The following ADAMDEC1 variants were observed in gnomAD, a reference collection of about 807,000 sequenced individuals.
ADAMDEC1 encodes the protein ADAM DEC1.
A neutral mutation model predicts 60.4 loss-of-function variants in ADAMDEC1; 62 were observed. That is an observed-to-expected ratio of 1.03 (90% CI 0.84 to 1.27). ADAMDEC1 has a LOEUF of 1.27. ADAMDEC1 is among the 50% of genes most tolerant of loss of function. ADAMDEC1 has a pLI of 0.00. For missense variants in ADAMDEC1, 595 were observed against 565.0 expected, an observed-to-expected ratio of 1.05 and a Z score of -0.54; for synonymous variants, 210 against 195.1, an observed-to-expected ratio of 1.08 and a Z score of -0.64.
chr8:24,399,025 A>T lies in ADAMDEC1; in HGVS notation c.914A>T (p.His305Leu), dbSNP rs1817691205. ...AACCTGGGGAAAAAGATCCACGACCATGCTCAGCTTCTCAGGTGAGCACAT... is the reference window on the plus strand; with the variant it reads ...AACCTGGGGAAAAAGATCCACGACCTTGCTCAGCTTCTCAGGTGAGCACAT... ...SSNLGKKIHD[H>L]AQLLSGISFN... is the part of the protein sequence containing the mutation. Residue 305 changes from histidine (H) to leucine (L), a missense_variant, in exon 9 of 14, where the codon CAT (histidine) becomes CTT (leucine). By Grantham distance (99) the His-to-Leu change is moderately conservative. Coordinates refer to ENST00000256412, the MANE Select transcript of ADAMDEC1 (RefSeq NM_014479.3). The T allele has an allele frequency of 4.3e-6, 7 of 1,612,976 alleles. No homozygotes were observed. The highest frequency in any genetic ancestry group is 5.9e-6 in the Non-Finnish European group (7 of 1,179,498).
chr8:24,402,172 T>C (rs1273947046), intron 12 of ADAMDEC1, 80 bp downstream of exon 12: 1 of 1,302,242 alleles, frequency 7.7e-7, no homozygotes, highest in African/African-American at 1.5e-5. Flanking sequence ...GGAAATTCTT[T>C]CTAAAGACAA....
chr8:24,401,832 G>T, intron 11 of ADAMDEC1, 83 bp from the exon 12 acceptor site: 1 of 1,179,410 alleles, frequency 8.5e-7, no homozygotes, highest in East Asian at 2.4e-5. Flanking sequence ...TCAGAGTCTC[G>T]TGTTTCTTTA....
rs146782557 is a variant in ADAMDEC1 at position 24,405,700 on chromosome 8, T to TA, written c.*410dup. The TA allele has an allele frequency of 4.3e-5, 7 of 161,470 alleles. No homozygotes were observed. The highest frequency in any genetic ancestry group is 9.6e-5 in the African/African-American group (4 of 41,784). 10.0% of individuals were successfully genotyped at this position (161,470 alleles called of 1,614,324 possible). On this transcript the variant is annotated 3_prime_UTR_variant, in exon 14 of 14. Transcript: ENST00000256412. ...TCTTTCATCTTACTAGTATGGCCTA[T>TA]AAAAAAAATAATACCACTTGATGGG...
chr8:24,405,403 T>A lies in ADAMDEC1; in HGVS notation c.*105T>A, dbSNP rs1198402548. ...ATTTTCACCCATAATGGTCTTTCAC[T>A]TGTCATTCTACTTTCTATATTGTTA... On this transcript the variant is annotated 3_prime_UTR_variant, in exon 14 of 14. Transcript: ENST00000256412. The A allele has an allele frequency of 2.3e-6, 3 of 1,291,648 alleles. No homozygotes were observed. Among genetic ancestry groups the A allele is most frequent in the Non-Finnish European group, 3.3e-6 (3 of 905,366 alleles). 80.0% of individuals were successfully genotyped at this position (1,291,648 alleles called of 1,614,324 possible).
chr8:24,392,203 A>G (rs1219868503), intron 1 of ADAMDEC1, 59 bp from the exon 2 acceptor site: 12 of 1,318,564 alleles, frequency 9.1e-6, no homozygotes, highest in Non-Finnish European at 1.3e-5. Flanking sequence ...ACAAAACACA[A>G]CACGACTAAA....
rs774514864 is a variant in ADAMDEC1 at position 24,398,908 on chromosome 8, T to G, written c.797T>G (p.Val266Gly). 1 of 1,613,886 alleles carries G rather than the reference T, an allele frequency of 6.2e-7. No individual in the cohort carries two copies. Among genetic ancestry groups the G allele is most frequent in the Admixed American group, 1.7e-5 (1 of 59,986 alleles). The change falls in exon 9 of 14, where the codon GTA becomes GGA. Residue 266 changes from valine to glycine, a missense_variant. Val to Gly is a moderately radical substitution (Grantham distance 109). Transcript: ENST00000256412. ...YNTIDVQVAL[V>G]GMEIWSDGDK... is the part of the protein sequence containing the mutation. ...ACCATAGATGTTCAAGTGGCCTTGG[T>G]AGGTATGGAAATCTGGTCTGATGGG...
At chr8:24,390,728 A>T (rs1585803928) in intron 1 of ADAMDEC1, among the ~76,000 whole-genome samples, 1 of 145,014 alleles carries the variant, frequency 6.9e-6, no homozygotes, top group African/African-American at 2.9e-5. Flanking sequence ...TCAAAACAAA[A>T]CAAAACAAAA....
chr8:24,400,509 T>C (rs1019711019), intron 11 of ADAMDEC1, among the ~76,000 whole-genome samples: 2 of 151,920 alleles, frequency 1.3e-5, no homozygotes, highest in Non-Finnish European at 2.9e-5. Context: ...TAGGGTAACA[T>C]ATTACATTCT....
rs1336776014 is a variant in ADAMDEC1 at position 24,397,757 on chromosome 8, AC to A, written c.690+13del. On this transcript the variant is annotated intron_variant, in intron 7 of 13. Coordinates refer to ENST00000256412, the MANE Select transcript of ADAMDEC1 (RefSeq NM_014479.3). ...TGGATAATGCCTTTGTGAGTATGAA[AC>A]ACACGGCCCTCTCGGCCAGTTCAGT... 6.2e-7 allele frequency: 1 copy of A among 1,610,686 alleles called. No individual in the cohort carries two copies. The highest frequency in any genetic ancestry group is 2.2e-5 in the East Asian group (1 of 44,710).
At chr8:24,393,426 G>T in intron 3 of ADAMDEC1, 88 bp downstream of exon 3, 4 of 840,812 alleles carry the variant, frequency 4.8e-6, no homozygotes, top group South Asian at 4.0e-5. Flanking sequence ...AGTGTGGTTT[G>T]ACATAGAAGA....
At chr8:24,392,167 C>G in intron 1 of ADAMDEC1, 95 bp from the exon 2 acceptor site, 4 of 833,834 alleles carry the variant, frequency 4.8e-6, no homozygotes, top group Non-Finnish European at 7.6e-6. Context: ...GTCTTCACTG[C>G]TCTTTCAGCA....
At chr8:24,399,646 C>T (rs1817710977) in intron 10 of ADAMDEC1, among the ~76,000 whole-genome samples, 172 bp downstream of exon 10, 1 of 152,154 alleles carries the variant, frequency 6.6e-6, no homozygotes, top group Non-Finnish European at 1.5e-5. Flanking sequence ...TGCGACAGAA[C>T]ATTTCCTTAC....
chr8:24,399,354 C>A, intron 9 of ADAMDEC1, 39 bp from the exon 10 acceptor site: 1 of 1,574,614 alleles, frequency 6.4e-7, no homozygotes, highest in Non-Finnish European at 8.7e-7. Context: ...GTTACAAAGA[C>A]TCAGATTGTG....
In ADAMDEC1 at chr8:24,405,306, A is replaced by C; in HGVS notation, c.*8A>C. The C allele has an allele frequency of 6.2e-7, 1 of 1,612,810 alleles. No homozygotes were observed. Among genetic ancestry groups the C allele is most frequent in the Non-Finnish European group, 8.5e-7 (1 of 1,179,306 alleles). ...CCTTCAATCAGAGAGTGAATCCAAA[A>C]GTCTGCTTCACTGAGATGCTACCTT... On this transcript the variant is annotated 3_prime_UTR_variant, in exon 14 of 14. Transcript: ENST00000256412.
chr8:24,405,837 T>C lies in ADAMDEC1; in HGVS notation c.*539T>C, dbSNP rs1242184314. Reference sequence around the variant, plus strand: ...GTATTTTTCTACATCATGTCAAGAATGATTCAATGTAAATATTTTTCATTT... The same window carrying C: ...GTATTTTTCTACATCATGTCAAGAACGATTCAATGTAAATATTTTTCATTT... On this transcript the variant is annotated 3_prime_UTR_variant, in exon 14 of 14. Coordinates refer to ENST00000256412, the MANE Select transcript of ADAMDEC1 (RefSeq NM_014479.3). 1 of 152,528 alleles carries C rather than the reference T, an allele frequency of 6.6e-6. No individual in the cohort carries two copies. The highest frequency in any genetic ancestry group is 1.5e-5 in the Non-Finnish European group (1 of 68,296). The allele number at this position is 152,528 out of a possible 1,614,324, so 9.4% of individuals were successfully genotyped here.
rs546520323 is a variant in ADAMDEC1, at chr8:24,395,804, C to A, written c.440+8C>A. 1.2e-6 allele frequency: 2 copies of A among 1,605,196 alleles called. No individual in the cohort carries two copies. The highest frequency in any genetic ancestry group is 8.5e-7 in the Non-Finnish European group (1 of 1,173,342). ...TACTTGTGACGGGTTGAGGTAAGAA[C>A]TACCATCAAAATTACTCAAGATCAA... On this transcript the variant is annotated splice_region_variant and intron_variant, in intron 5 of 13. Coordinates refer to ENST00000256412, the MANE Select transcript of ADAMDEC1 (RefSeq NM_014479.3).
chr8:24,404,006 T>A lies in ADAMDEC1; in HGVS notation c.1324T>A (p.Cys442Ser), dbSNP rs1015136784. 3 of 1,612,874 alleles carry A rather than the reference T, an allele frequency of 1.9e-6. No homozygotes were observed. The African/African-American group carries it at 4.0e-5, about 22-fold the overall frequency. Reference protein sequence around the residue: ...EDCDCGSPKECTNLCCEALTC... With the variant: ...EDCDCGSPKESTNLCCEALTC... ...CCATTGTGTGTGTGCTTTGAAGGAG[T>A]GTACCAATCTCTGCTGTGAAGCCCT... The change falls in exon 13 of 14, where the codon TGT (cysteine) becomes AGT (serine). Residue 442 changes from cysteine (C) to serine (S), a missense_variant. By Grantham distance (112) the Cys-to-Ser change is moderately radical (BLOSUM62 -1). Transcript: ENST00000256412.
chr8:24,397,168 T>C (rs1817635102), intron 5 of ADAMDEC1, 102 bp from the exon 6 acceptor site: 2 of 1,018,870 alleles, frequency 2.0e-6, no homozygotes, highest in Non-Finnish European at 1.4e-6. Flanking sequence ...GACAAGGCTA[T>C]GTGTGAAATT....
intron 12 of ADAMDEC1, among the ~76,000 whole-genome samples, chr8:24,402,853 G>A (rs1341922295): frequency 1.3e-5 from 2 of 152,134 alleles, no homozygotes; most frequent in Non-Finnish European, 2.9e-5. Context: ...TTAGTCATTT[G>A]TGAAGAATAT....
Sources: allele counts gnomAD v4.1 joint callset (sites outside exome capture counted in the v4.1 genomes callset), GRCh38; gene constraint gnomAD v4.1.1; transcripts MANE v1.5; gene names NCBI Gene and HGNC (gene_info 2026-07-23, HGNC 2026-07-21).